The following POC1A variants were observed in gnomAD, a reference collection of about 807,000 sequenced individuals.
POC1A encodes POC1 centriolar protein A, also known as POC1 centriolar protein homolog A.
Under a neutral mutation model 47.8 loss-of-function variants are expected in POC1A, and 34 were observed. The ratio of observed to expected loss-of-function variants is 0.71; its 90% CI spans 0.54 to 0.95. The LOEUF (loss-of-function observed/expected upper bound fraction) is 0.95, where lower values mean the gene tolerates loss of function less well. POC1A is among the 40% of genes least tolerant of loss of function. The probability of loss-of-function intolerance (pLI) is 0.00; values close to 1 mark genes in which losing one functional copy is unlikely to be tolerated. For synonymous variants in POC1A, 177 were observed against 207.6 expected, an observed-to-expected ratio of 0.85 and a Z score of 1.27; for missense variants, 466 against 528.3, an observed-to-expected ratio of 0.88 and a Z score of 1.16.
intron 3 of POC1A, among the ~76,000 whole-genome samples, 194 bp from the exon 4 acceptor site, chr3:52,149,583 A>G (rs1180353139): frequency 6.6e-6 from 1 of 152,198 alleles, no homozygotes; most frequent in Admixed American, 6.5e-5. Context: ...ACCCACATGA[A>G]CACAGCATCA....
intron 7 of POC1A, among the ~76,000 whole-genome samples, chr3:52,137,931 C>T (rs139026163): frequency 1.5e-3 from 226 of 152,282 alleles, no homozygotes; most frequent in Admixed American, 4.5e-3. Flanking sequence ...CCCTAAGGGG[C>T]GGCTTGCTAA....
chr3:52,124,098 T>C (rs1054306456), intron 8 of POC1A, among the ~76,000 whole-genome samples: 2 of 152,238 alleles, frequency 1.3e-5, no homozygotes, highest in African/African-American at 4.8e-5. Context: ...AGGACTCGTA[T>C]AGGCCAATAG....
chr3:52,104,382 T>C (rs1703102486), intron 9 of POC1A, among the ~76,000 whole-genome samples: 2 of 152,254 alleles, frequency 1.3e-5, no homozygotes, highest in Non-Finnish European at 2.9e-5. Flanking sequence ...GGAAAGATTC[T>C]ATATCTTGAT....
At chr3:52,096,902 C>A (rs1702835784) in intron 9 of POC1A, among the ~76,000 whole-genome samples, 190 bp from the exon 10 acceptor site, 1 of 152,226 alleles carries the variant, frequency 6.6e-6, no homozygotes, top group South Asian at 2.1e-4. Context: ...CCTTTCCAGG[C>A]AGAGGCCTTA....
intron 10 of POC1A, among the ~76,000 whole-genome samples, chr3:52,087,985 G>A (rs1702516244): frequency 6.6e-6 from 1 of 152,252 alleles, no homozygotes; most frequent in East Asian, 1.9e-4. Context: ...AAACAGGGCT[G>A]AGCATGGGGT....
intron 6 of POC1A, among the ~76,000 whole-genome samples, chr3:52,140,925 G>A (rs1473683791): frequency 1.3e-5 from 2 of 152,214 alleles, no homozygotes; most frequent in African/African-American, 4.8e-5. Context: ...TGCCTTGAGC[G>A]CCAAATGTCT....
At chr3:52,098,547 G>C (rs1176474742) in intron 9 of POC1A, among the ~76,000 whole-genome samples, 1 of 152,230 alleles carries the variant, frequency 6.6e-6, no homozygotes, top group Non-Finnish European at 1.5e-5. Flanking sequence ...AAGCTGGAGA[G>C]GTGGCCTTTA....
At chr3:52,103,150 A>G (rs1310865219) in intron 9 of POC1A, among the ~76,000 whole-genome samples, 1 of 152,266 alleles carries the variant, frequency 6.6e-6, no homozygotes, top group African/African-American at 2.4e-5. Flanking sequence ...GAGTATCCAC[A>G]TGCAAAAAAA....
At chr3:52,085,620 G>T (rs1702435492) in intron 10 of POC1A, among the ~76,000 whole-genome samples, 1 of 152,160 alleles carries the variant, frequency 6.6e-6, no homozygotes, top group Non-Finnish European at 1.5e-5. Flanking sequence ...CATGGGTGTG[G>T]GCCCTTGGAA....
At chr3:52,128,807 G>T (rs893791895) in intron 7 of POC1A, among the ~76,000 whole-genome samples, 2 of 152,090 alleles carry the variant, frequency 1.3e-5, no homozygotes, top group South Asian at 4.1e-4. Flanking sequence ...TCTTAATTCA[G>T]GTATTTTCAA....
intron 10 of POC1A, among the ~76,000 whole-genome samples, chr3:52,091,208 C>A (rs1452159889): frequency 6.6e-6 from 1 of 151,996 alleles, no homozygotes; most frequent in Non-Finnish European, 1.5e-5. Flanking sequence ...CAGAGCAGGG[C>A]CCTTGGACCC....
At chr3:52,080,333 T>C (rs1405093147) in intron 10 of POC1A, among the ~76,000 whole-genome samples, 4 of 152,122 alleles carry the variant, frequency 2.6e-5, no homozygotes, top group Non-Finnish European at 4.4e-5. Flanking sequence ...CCAGCCCTGA[T>C]GCCCAAACTC....
intron 7 of POC1A, among the ~76,000 whole-genome samples, chr3:52,126,743 C>A (rs894916478): frequency 6.6e-6 from 1 of 152,164 alleles, no homozygotes; most frequent in Non-Finnish European, 1.5e-5. Flanking sequence ...GGCAGAAGGG[C>A]AAAGAGAGGG....
chr3:52,126,893 T>G (rs1009032400), intron 7 of POC1A, among the ~76,000 whole-genome samples: 1 of 152,154 alleles, frequency 6.6e-6, no homozygotes, highest in African/African-American at 2.4e-5. Context: ...ATGCCCCACC[T>G]CCCAACAACC....
intron 9 of POC1A, among the ~76,000 whole-genome samples, chr3:52,099,744 G>A (rs1302815607): frequency 1.3e-5 from 2 of 152,182 alleles, no homozygotes; most frequent in South Asian, 2.1e-4. Flanking sequence ...CCAGCTACTC[G>A]GGAGGCTGAG....
intron 6 of POC1A, among the ~76,000 whole-genome samples, chr3:52,139,232 G>C (rs180684704): frequency 1.2e-4 from 19 of 152,234 alleles, no homozygotes; most frequent in Non-Finnish European, 2.4e-4. Context: ...TTAAGCACAT[G>C]AGGTCTTTGC....
chr3:52,088,559 T>C (rs747537978), intron 10 of POC1A, among the ~76,000 whole-genome samples: 4 of 152,040 alleles, frequency 2.6e-5, no homozygotes, highest in Non-Finnish European at 4.4e-5. Flanking sequence ...TGGTGCCTCA[T>C]TCAGGAAAGC....
chr3:52,140,425 C>A (rs1341052236), intron 6 of POC1A, among the ~76,000 whole-genome samples: 1 of 152,152 alleles, frequency 6.6e-6, no homozygotes, highest in Non-Finnish European at 1.5e-5. Flanking sequence ...GCAGAAGCTG[C>A]CAGAGGAACA....
intron 9 of POC1A, among the ~76,000 whole-genome samples, chr3:52,120,932 T>C (rs1192874767): frequency 6.6e-6 from 1 of 152,230 alleles, no homozygotes; most frequent in Non-Finnish European, 1.5e-5. Flanking sequence ...AGCTGGTAGA[T>C]ATTAACCACT....
Sources: gnomAD v4.1 joint callset for allele counts (sites outside exome capture counted in the v4.1 genomes callset) on GRCh38, gnomAD v4.1.1 for gene constraint, MANE v1.5 for transcripts, NCBI Gene and HGNC (gene_info 2026-07-23, HGNC 2026-07-21) for gene names.